ZNF326: variants seen among roughly 807,000 people sequenced by gnomAD.
ZNF326 encodes the protein zinc finger protein 326.
Under a neutral mutation model 63.1 loss-of-function variants are expected in ZNF326, and 30 were observed. The ratio of observed to expected loss-of-function variants is 0.48; its 90% confidence interval spans 0.36 to 0.64. The LOEUF is 0.64. Among genes scored for constraint, ZNF326 ranks in the 30% least tolerant of loss-of-function variants. The pLI is 0.00. For missense variants in ZNF326, 609 were observed against 720.3 expected, an observed-to-expected ratio of 0.85 and a Z score of 1.77; for synonymous variants, 194 against 228.2, an observed-to-expected ratio of 0.85 and a Z score of 1.35.
chr1:89,997,913 G>A (rs577022538), intron 1 of ZNF326, among the ~76,000 whole-genome samples, 197 bp from the exon 2 acceptor site: 47 of 152,234 alleles, frequency 3.1e-4, no homozygotes, highest in Non-Finnish European at 6.6e-4. Flanking sequence ...TACCATTTGG[G>A]GAGATAGTGA....
At chr1:90,005,415 A>G (rs1033583221) in intron 4 of ZNF326, 171 bp downstream of exon 4, 20 of 1,346,102 alleles carry the variant, frequency 1.5e-5, no homozygotes, top group Middle Eastern at 2.7e-4. Flanking sequence ...TTAAATCAGT[A>G]TTACTGGCAG....
At chr1:90,005,587 A>G in intron 4 of ZNF326, 1 of 900,298 alleles carries the variant, frequency 1.1e-6, no homozygotes, top group Non-Finnish European at 1.3e-6. Context: ...AATATTATTT[A>G]TGAAGCTTTT....
intron 1 of ZNF326, 24 bp from the exon 2 acceptor site, chr1:89,998,086 T>C: frequency 1.2e-6 from 2 of 1,605,850 alleles, no homozygotes; most frequent in Non-Finnish European, 1.7e-6. Context: ...CACTAATTCC[T>C]TTTTGTTAAA....
chr1:90,019,171 A>G (rs1466819106), intron 9 of ZNF326, among the ~76,000 whole-genome samples: 7 of 152,172 alleles, frequency 4.6e-5, no homozygotes, highest in Admixed American at 2.6e-4. Context: ...AACAAAACAA[A>G]ACAAGAACAA....
Position 90,005,120 on chromosome 1 carries a change from T to A in ZNF326, c.98-13T>A. On this transcript the variant is annotated splice_polypyrimidine_tract_variant and intron_variant, in intron 3 of 11. Transcript: ENST00000340281. ...GAGCATCATATAACTTTTTTCTTTT[T>A]AAACTCTTATAGGGATGGATCGTGA... 3 of 1,613,948 alleles carry A rather than the reference T, an allele frequency of 1.9e-6. No homozygotes were observed. The highest frequency in any genetic ancestry group is 2.5e-6 in the Non-Finnish European group (3 of 1,179,986).
intron 1 of ZNF326, among the ~76,000 whole-genome samples, chr1:89,997,102 A>T (rs1262686015): frequency 6.6e-6 from 1 of 152,254 alleles, no homozygotes; most frequent in Non-Finnish European, 1.5e-5. Context: ...GCCCAAATAT[A>T]CCACTGCTGT....
intron 9 of ZNF326, among the ~76,000 whole-genome samples, chr1:90,019,561 A>T (rs1329325244): frequency 6.6e-6 from 1 of 151,926 alleles, no homozygotes; most frequent in Non-Finnish European, 1.5e-5. Context: ...TCATTTTTTA[A>T]GTCTTTATGG....
Position 90,028,334 on chromosome 1 carries a change from G to T in ZNF326, c.*633G>T, listed in dbSNP as rs1468296596. On this transcript the variant is annotated 3_prime_UTR_variant, in exon 12 of 12. Transcript: ENST00000340281. ...TCAGTTCAGCTCACAAGTATTTTAA[G>T]ATGATTGAGAAGACTTGAATTAAAG... The T allele has an allele frequency of 6.7e-6, 1 of 149,158 alleles. No individual in the cohort carries two copies. The highest frequency in any genetic ancestry group is 2.0e-4 in the East Asian group (1 of 5,032). 9.2% of individuals were successfully genotyped at this position (149,158 alleles called of 1,614,324 possible).
At chr1:90,016,141 G>A (rs1010965869) in intron 7 of ZNF326, among the ~76,000 whole-genome samples, 1 of 151,962 alleles carries the variant, frequency 6.6e-6, no homozygotes. Flanking sequence ...TGTTCTAAGG[G>A]CTTTGTCTGC....
chr1:90,024,980 G>GTT (rs563668519), intron 11 of ZNF326, among the ~76,000 whole-genome samples: 4,872 of 128,490 alleles, frequency 0.038, 190 homozygotes, highest in African/African-American at 0.063. Context: ...TTTTTTTCCT[G>GTT]TTTTTTTTTT....
chr1:90,027,276 T>G (rs552325588), intron 11 of ZNF326, 78 bp from the exon 12 acceptor site: 11 of 1,342,252 alleles, frequency 8.2e-6, no homozygotes, highest in Non-Finnish European at 9.3e-6. Context: ...TCTCATGATA[T>G]GGCAAGTAAA....
intron 2 of ZNF326, among the ~76,000 whole-genome samples, chr1:89,999,436 G>A (rs1032661115): frequency 6.6e-6 from 1 of 152,138 alleles, no homozygotes; most frequent in Non-Finnish European, 1.5e-5. Context: ...TCTAAACATA[G>A]GACTTGAAAT....
chr1:89,995,397 C>T (rs1648304776), intron 1 of ZNF326, 124 bp downstream of exon 1: 1 of 1,283,260 alleles, frequency 7.8e-7, no homozygotes, highest in Non-Finnish European at 1.0e-6. Context: ...GGCCGCCCGC[C>T]CGCCCCGGGC....
Position 90,027,419 on chromosome 1 carries a change from TGAA to T in ZNF326, c.1470_1472del (p.Glu491del), listed in dbSNP as rs768883536. 23 of 1,613,490 alleles carry T rather than the reference TGAA, an allele frequency of 1.4e-5. No individual in the cohort carries two copies. The highest frequency in any genetic ancestry group is 1.9e-5 in the Non-Finnish European group (22 of 1,179,912). On this transcript the variant is annotated inframe_deletion, in exon 12 of 12. Coordinates refer to ENST00000340281, the MANE Select transcript of ZNF326 (RefSeq NM_182976.4). The stretch of plus-strand genomic sequence containing the variant: ...AGCAAATAGAAGGAGATGAGGAGGA[TGAA>T]GAGAAGATTGATGAACCTATTGAAG...
Position 89,995,233 on chromosome 1 carries a change from A to G in ZNF326, c.-25A>G, listed in dbSNP as rs984990336. 1.9e-6 allele frequency: 3 copies of G among 1,546,096 alleles called. No homozygotes were observed. Among genetic ancestry groups the G allele is most frequent in the Non-Finnish European group, 2.6e-6 (3 of 1,148,462 alleles). ...GCCATAGCTCAGCCTAGCGCCGCCA[A>G]GGCCGACGGCCCTCAGCCTCTGCCA... On this transcript the variant is annotated 5_prime_UTR_variant, in exon 1 of 12. Transcript: ENST00000340281.
chr1:90,004,881 T>G (rs1264041173), intron 2 of ZNF326, 122 bp from the exon 3 acceptor site: 2 of 613,550 alleles, frequency 3.3e-6, no homozygotes, highest in African/African-American at 3.9e-5. Flanking sequence ...TAGTGTGAAT[T>G]TAGTTTAAAT....
At position 90,022,348 on chromosome 1, in the gene ZNF326, A is replaced by G; in HGVS notation, c.1401+3A>G. 6.2e-7 allele frequency: 1 copy of G among 1,607,208 alleles called. No homozygotes were observed. Among genetic ancestry groups the G allele is most frequent in the Non-Finnish European group, 8.5e-7 (1 of 1,175,398 alleles). ...CGCGATATGAACGTTTTGTTAAGGT[A>G]AGATTTTAGGGCAAAAACCTTTTCA... On this transcript the variant is annotated splice_donor_region_variant and intron_variant, in intron 11 of 11. Transcript: ENST00000340281.
chr1:89,999,839 A>G (rs1203272690), intron 2 of ZNF326, among the ~76,000 whole-genome samples: 1 of 152,242 alleles, frequency 6.6e-6, no homozygotes, highest in Non-Finnish European at 1.5e-5. Flanking sequence ...GCTGGGCATC[A>G]GATATCGTTC....
intron 7 of ZNF326, 72 bp from the exon 8 acceptor site, chr1:90,017,244 AT>A: frequency 9.5e-7 from 1 of 1,053,136 alleles, no homozygotes; most frequent in Non-Finnish European, 1.3e-6. Flanking sequence ...ATTAGTTTCA[AT>A]GTTATATTCT....
Sources: gnomAD v4.1 joint callset for allele counts (sites outside exome capture counted in the v4.1 genomes callset) on GRCh38, gnomAD v4.1.1 for gene constraint, MANE v1.5 for transcripts, NCBI Gene and HGNC (gene_info 2026-07-23, HGNC 2026-07-21) for gene names.